The following ASTN2 variants were observed in gnomAD, a reference collection of about 807,000 sequenced individuals.
The protein encoded by ASTN2 is astrotactin-2.
Under a neutral mutation model 139.8 loss-of-function variants are expected in ASTN2, and 54 were observed. The ratio of observed to expected loss-of-function variants is 0.39; its 90% CI spans 0.31 to 0.48. ASTN2 has a LOEUF of 0.48. ASTN2 is among the 20% of genes least tolerant of loss of function. ASTN2 has a pLI of 0.95. For synonymous variants in ASTN2, 756 were observed against 719.5 expected, an observed-to-expected ratio of 1.05 and a Z score of -0.81; for missense variants, 1,565 against 1,725.1, an observed-to-expected ratio of 0.91 and a Z score of 1.64.
chr9:116,999,178 A>G (rs1029661092), intron 7 of ASTN2, among the ~76,000 whole-genome samples: 1 of 152,176 alleles, frequency 6.6e-6, no homozygotes, highest in Non-Finnish European at 1.5e-5. Context: ...TTTCAATCAT[A>G]CTTACATGCT....
chr9:116,649,710 T>G (rs537363809), intron 17 of ASTN2, among the ~76,000 whole-genome samples: 35 of 152,294 alleles, frequency 2.3e-4, no homozygotes, highest in African/African-American at 8.4e-4. Flanking sequence ...ATCCTGTGCT[T>G]TATTTCAATG....
chr9:116,881,093 G>A (rs1833440165), intron 10 of ASTN2, among the ~76,000 whole-genome samples: 1 of 152,176 alleles, frequency 6.6e-6, no homozygotes, highest in African/African-American at 2.4e-5. Context: ...CAGGATGGCT[G>A]CTAGACGACA....
intron 10 of ASTN2, among the ~76,000 whole-genome samples, chr9:116,931,603 T>C (rs1369186044): frequency 6.6e-6 from 1 of 152,240 alleles, no homozygotes; most frequent in Non-Finnish European, 1.5e-5. Context: ...CACAAGTGAT[T>C]GTTGACAGAT....
intron 14 of ASTN2, among the ~76,000 whole-genome samples, chr9:116,730,882 C>CA (rs1828759207): frequency 6.6e-6 from 1 of 152,214 alleles, no homozygotes; most frequent in South Asian, 2.1e-4. Flanking sequence ...TCTGCTCATT[C>CA]CTGGATTCAT....
chr9:117,232,736 A>G (rs1018404367), intron 2 of ASTN2, among the ~76,000 whole-genome samples: 1 of 152,174 alleles, frequency 6.6e-6, no homozygotes, highest in Non-Finnish European at 1.5e-5. Context: ...TTGTTCTGTT[A>G]TTATTACATT....
At chr9:117,379,392 C>T (rs554712072) in intron 1 of ASTN2, among the ~76,000 whole-genome samples, 5 of 152,126 alleles carry the variant, frequency 3.3e-5, no homozygotes, top group Admixed American at 2.0e-4. Context: ...AGAACTAGCC[C>T]CAGGTTTATG....
At chr9:116,530,587 C>T (rs1455931612) in intron 19 of ASTN2, among the ~76,000 whole-genome samples, 3 of 151,810 alleles carry the variant, frequency 2.0e-5, no homozygotes, top group African/African-American at 7.3e-5. Context: ...TGCTGTATAC[C>T]ATAAATATAT....
At chr9:116,607,773 A>G (rs1314126509) in intron 19 of ASTN2, among the ~76,000 whole-genome samples, 1 of 150,738 alleles carries the variant, frequency 6.6e-6, no homozygotes, top group Non-Finnish European at 1.5e-5. Context: ...CATCCTGGCT[A>G]ACACGGTGAA....
At chr9:117,065,179 A>C (rs1827899538) in intron 5 of ASTN2, among the ~76,000 whole-genome samples, 1 of 152,140 alleles carries the variant, frequency 6.6e-6, no homozygotes, top group Non-Finnish European at 1.5e-5. Context: ...CACGGAACAG[A>C]ACAGATTCTC....
chr9:117,100,917 G>C (rs1196276626), intron 4 of ASTN2, among the ~76,000 whole-genome samples: 1 of 152,194 alleles, frequency 6.6e-6, no homozygotes, highest in Non-Finnish European at 1.5e-5. Flanking sequence ...ATTGGAGTCA[G>C]ACATGAGTTC....
intron 2 of ASTN2, among the ~76,000 whole-genome samples, chr9:117,239,061 A>G (rs1004471415): frequency 1.3e-5 from 2 of 152,138 alleles, no homozygotes; most frequent in Non-Finnish European, 2.9e-5. Context: ...AGGCCCAGAG[A>G]GTTTATCTGC....
intron 5 of ASTN2, among the ~76,000 whole-genome samples, chr9:117,082,909 T>C (rs765654038): frequency 5.9e-5 from 9 of 152,196 alleles, no homozygotes; most frequent in Non-Finnish European, 1.3e-4. Context: ...TTTTTAGAGC[T>C]TGGCCACCTC....
At chr9:117,100,681 T>C (rs538086121) in intron 4 of ASTN2, among the ~76,000 whole-genome samples, 9 of 152,336 alleles carry the variant, frequency 5.9e-5, no homozygotes, top group African/African-American at 1.9e-4. Context: ...GGCAAGGATC[T>C]GAGTACAAGA....
At chr9:117,356,531 A>G (rs563310736) in intron 1 of ASTN2, among the ~76,000 whole-genome samples, 1 of 152,208 alleles carries the variant, frequency 6.6e-6, no homozygotes, top group Non-Finnish European at 1.5e-5. Flanking sequence ...TAGCTTCTTT[A>G]CCCTCTCTCA....
At chr9:116,617,415 G>C (rs1564157619) in intron 19 of ASTN2, among the ~76,000 whole-genome samples, 1 of 152,212 alleles carries the variant, frequency 6.6e-6, no homozygotes, top group Non-Finnish European at 1.5e-5. Context: ...GACTAACACA[G>C]AGAAGGCATC....
chr9:117,296,277 C>CAAAAAAAAAAAAAAAAAAAA (rs5900277), intron 1 of ASTN2, among the ~76,000 whole-genome samples: 3 of 71,004 alleles, frequency 4.2e-5, no homozygotes, highest in African/African-American at 1.2e-4. Flanking sequence ...GACTGCATCT[C>CAAAAAAAAAAAAAAAAAAAA]AAAAAAAAAA....
chr9:116,678,932 T>C (rs1588181392), intron 16 of ASTN2, among the ~76,000 whole-genome samples: 1 of 152,314 alleles, frequency 6.6e-6, no homozygotes. Context: ...AATGCAAACA[T>C]GAAATTTGGT....
At chr9:117,072,800 A>G (rs976251508) in intron 5 of ASTN2, among the ~76,000 whole-genome samples, 1 of 152,230 alleles carries the variant, frequency 6.6e-6, no homozygotes, top group Admixed American at 6.5e-5. Context: ...AAGTGTCAGC[A>G]AAGTAATGGC....
chr9:116,578,996 G>A lies in ASTN2; in HGVS notation c.3355+39328C>T, dbSNP rs1853841716. On this transcript the variant is annotated intron_variant, in intron 19 of 22. Transcript: ENST00000313400. Reference sequence around the variant, plus strand: ...GGGCAAGAAGTGTCCACATTCACAGGTATTTGTTCTCAAGAAGTGAGGCAC... The same window carrying A: ...GGGCAAGAAGTGTCCACATTCACAGATATTTGTTCTCAAGAAGTGAGGCAC... 2.6e-5 allele frequency: 4 copies of A among 151,950 alleles called. No homozygotes were observed. In the South Asian group the frequency reaches 8.3e-4, roughly 32 times the overall value. 9.4% of individuals were successfully genotyped at this position (151,950 alleles called of 1,614,324 possible).
Sources: allele counts gnomAD v4.1 joint callset (sites outside exome capture counted in the v4.1 genomes callset), GRCh38; gene constraint gnomAD v4.1.1; transcripts MANE v1.5; gene names NCBI Gene and HGNC (gene_info 2026-07-23, HGNC 2026-07-21).